Variants in NRG3 observed in about 807,000 individuals in gnomAD.
NRG3 encodes pro-neuregulin-3, membrane-bound isoform.
In NRG3, 31 loss-of-function variants were observed where a neutral mutation model predicts 66.9. That is an observed-to-expected ratio of 0.46 (90% CI 0.35 to 0.63). NRG3 has a LOEUF of 0.63. Ranked by LOEUF, NRG3 falls within the 20% of genes least tolerant of loss-of-function variation. The probability of loss-of-function intolerance (pLI) is 0.00; values close to 1 mark genes in which losing one functional copy is unlikely to be tolerated. For missense variants in NRG3, 910 were observed against 878.9 expected (o/e 1.04, Z -0.45); for synonymous variants, 393 against 359.4 (o/e 1.09, Z -1.06).
chr10:82,848,657 A>G (rs569559408), intron 3 of NRG3, among the ~76,000 whole-genome samples: 11 of 152,232 alleles, frequency 7.2e-5, no homozygotes, highest in African/African-American at 2.4e-4. Context: ...AGGCAGAATG[A>G]TATGATTTGG....
At chr10:82,622,135 T>C (rs1036282217) in intron 2 of NRG3, among the ~76,000 whole-genome samples, 2 of 152,174 alleles carry the variant, frequency 1.3e-5, no homozygotes, top group Non-Finnish European at 2.9e-5. Flanking sequence ...GGTATTTTCT[T>C]TTACTAAAAT....
chr10:82,945,022 C>T (rs1208633955), intron 4 of NRG3, among the ~76,000 whole-genome samples: 1 of 152,036 alleles, frequency 6.6e-6, no homozygotes, highest in South Asian at 2.1e-4. Flanking sequence ...ACCACAAGTC[C>T]CCATGGACTA....
intron 3 of NRG3, among the ~76,000 whole-genome samples, chr10:82,787,601 G>A (rs754409291): frequency 6.6e-5 from 10 of 152,078 alleles, no homozygotes; most frequent in Admixed American, 2.0e-4. Flanking sequence ...ACAGATCCCC[G>A]TCCCCATGGG....
intron 3 of NRG3, among the ~76,000 whole-genome samples, chr10:82,765,441 CAG>C (rs2059478551): frequency 6.6e-6 from 1 of 151,990 alleles, no homozygotes. Flanking sequence ...TATAAATAAA[CAG>C]AAAGTGAAAT....
At chr10:82,874,967 T>C (rs1192778769) in intron 4 of NRG3, among the ~76,000 whole-genome samples, 1 of 152,216 alleles carries the variant, frequency 6.6e-6, no homozygotes, top group Non-Finnish European at 1.5e-5. Flanking sequence ...TAACTCACAA[T>C]TATCCAAGCT....
intron 1 of NRG3, among the ~76,000 whole-genome samples, chr10:81,977,645 C>A (rs2060174585): frequency 6.6e-6 from 1 of 152,076 alleles, no homozygotes; most frequent in African/African-American, 2.4e-5. Context: ...TAAAACAAAC[C>A]ACATTATGGT....
rs201373034 is a variant in NRG3, at chr10:82,405,457, TG to T, written c.953+46590del. Among the ~76,000 whole-genome samples, 4 of 148,548 alleles carry T rather than the reference TG, an allele frequency of 2.7e-5. 1 individual carries two copies. The highest frequency in any genetic ancestry group is 6.7e-5 in the Admixed American group (1 of 15,010). On this transcript the variant is annotated intron_variant, in intron 2 of 8. Coordinates refer to ENST00000372141, the MANE Select transcript of NRG3 (RefSeq NM_001010848.4). ...TATCTTTGGAATGATCTCAGTAGTT[TG>T]TTTTTTTTTTTTTTGAAATGGAGTC... is the stretch of plus-strand genomic sequence containing the variant.
chr10:82,591,183 A>G (rs895195201), intron 2 of NRG3, among the ~76,000 whole-genome samples: 1 of 152,202 alleles, frequency 6.6e-6, no homozygotes, highest in Non-Finnish European at 1.5e-5. Context: ...CTTAAAGCCT[A>G]GAAGACAAGG....
chr10:82,535,827 A>T (rs1048258118), intron 2 of NRG3, among the ~76,000 whole-genome samples: 1 of 152,162 alleles, frequency 6.6e-6, no homozygotes, highest in African/African-American at 2.4e-5. Flanking sequence ...TAATGGGCTA[A>T]TGGGCTCTGC....
At chr10:82,746,247 C>G (rs1256953398) in intron 3 of NRG3, among the ~76,000 whole-genome samples, 1 of 152,094 alleles carries the variant, frequency 6.6e-6, no homozygotes, top group Non-Finnish European at 1.5e-5. Context: ...CAGAGGGAAG[C>G]CCACCTGCCC....
At chr10:82,114,914 A>G (rs980261625) in intron 1 of NRG3, among the ~76,000 whole-genome samples, 13 of 152,144 alleles carry the variant, frequency 8.5e-5, no homozygotes, top group South Asian at 2.1e-4. Context: ...ACTGACATCA[A>G]TTGAAATCAT....
chr10:82,617,240 CCACA>C (rs1164973960), intron 2 of NRG3, among the ~76,000 whole-genome samples: 1 of 150,178 alleles, frequency 6.7e-6, no homozygotes, highest in African/African-American at 2.5e-5. Flanking sequence ...CACACACACA[CCACA>C]CAGACACACA....
chr10:82,527,887 T>C (rs1846871123), intron 2 of NRG3, among the ~76,000 whole-genome samples: 1 of 148,736 alleles, frequency 6.7e-6, no homozygotes, highest in African/African-American at 2.5e-5. Context: ...ACAAATTGTC[T>C]CAACCTAGAT....
intron 4 of NRG3, among the ~76,000 whole-genome samples, chr10:82,922,686 A>T (rs1216649306): frequency 1.3e-5 from 2 of 152,194 alleles, no homozygotes; most frequent in Non-Finnish European, 2.9e-5. Context: ...TTTTGAACAG[A>T]TATTGAGGAG....
At chr10:82,188,447 A>G (rs902660422) in intron 1 of NRG3, among the ~76,000 whole-genome samples, 4 of 152,202 alleles carry the variant, frequency 2.6e-5, no homozygotes, top group South Asian at 2.1e-4. Flanking sequence ...AAGCAAATGG[A>G]CAAATGAGAT....
chr10:82,713,656 G>A (rs924910313), intron 2 of NRG3, among the ~76,000 whole-genome samples: 1 of 152,168 alleles, frequency 6.6e-6, no homozygotes, highest in African/African-American at 2.4e-5. Flanking sequence ...TTTATCAAGT[G>A]CATACATGGG....
intron 1 of NRG3, among the ~76,000 whole-genome samples, chr10:82,081,581 A>G (rs2065397451): frequency 6.6e-6 from 1 of 152,186 alleles, no homozygotes; most frequent in South Asian, 2.1e-4. Flanking sequence ...CTATATCTGA[A>G]TTGAAAAGTA....
At chr10:82,558,917 T>G (rs1328446162) in intron 2 of NRG3, among the ~76,000 whole-genome samples, 1 of 152,078 alleles carries the variant, frequency 6.6e-6, no homozygotes, top group Non-Finnish European at 1.5e-5. Flanking sequence ...TTTTGATTAT[T>G]TAAATATTAC....
chr10:82,414,278 A>G (rs2088358180), intron 2 of NRG3, among the ~76,000 whole-genome samples: 1 of 152,108 alleles, frequency 6.6e-6, no homozygotes, highest in African/African-American at 2.4e-5. Context: ...AAATAGGTAG[A>G]CTGAGAAGAG....
Sources: allele counts gnomAD v4.1 joint callset (sites outside exome capture counted in the v4.1 genomes callset), GRCh38; gene constraint gnomAD v4.1.1; transcripts MANE v1.5; gene names NCBI Gene and HGNC (gene_info 2026-07-23, HGNC 2026-07-21).